Variants in GMDS observed in about 807,000 individuals in gnomAD.
The protein encoded by GMDS is GDP-mannose 4,6-dehydratase, also known as GDP-mannose 4,6 dehydratase.
A neutral mutation model predicts 49.9 loss-of-function variants in GMDS; 20 were observed. The ratio of observed to expected loss-of-function variants is 0.40; its 90% CI spans 0.28 to 0.58. GMDS has a LOEUF of 0.58. Ranked by LOEUF, GMDS falls within the 20% of genes least tolerant of loss-of-function variation. The pLI is 0.42. For synonymous variants in GMDS, 177 were observed against 178.6 expected (o/e 0.99, Z 0.07); for missense variants, 362 against 481.4 (o/e 0.75, Z 2.32).
intron 1 of GMDS, among the ~76,000 whole-genome samples, chr6:2,153,040 G>A (rs1776916703): frequency 6.6e-6 from 1 of 151,994 alleles, no homozygotes; most frequent in Non-Finnish European, 1.5e-5. Flanking sequence ...GCCTGGGCAA[G>A]AAAGCAAGAC....
intron 4 of GMDS, among the ~76,000 whole-genome samples, chr6:2,071,295 C>A (rs1364530078): frequency 6.6e-6 from 1 of 152,126 alleles, no homozygotes; most frequent in Non-Finnish European, 1.5e-5. Flanking sequence ...ATTTTTCTTT[C>A]TACATACCTT....
intron 7 of GMDS, among the ~76,000 whole-genome samples, chr6:1,906,982 C>T (rs538506129): frequency 1.3e-5 from 2 of 152,288 alleles, no homozygotes; most frequent in South Asian, 2.1e-4. Flanking sequence ...GGCACATGTT[C>T]CTCTCCCAGA....
intron 4 of GMDS, among the ~76,000 whole-genome samples, chr6:2,099,727 A>C (rs1773816059): frequency 6.6e-6 from 1 of 152,090 alleles, no homozygotes; most frequent in Admixed American, 6.5e-5. Flanking sequence ...CAGAATTTCC[A>C]CTATTCTGCA....
At chr6:1,844,737 G>C (rs1192703583) in intron 7 of GMDS, among the ~76,000 whole-genome samples, 1 of 152,156 alleles carries the variant, frequency 6.6e-6, no homozygotes, top group Non-Finnish European at 1.5e-5. Flanking sequence ...CACCTATCTA[G>C]CAACTTTCAG....
chr6:1,986,227 G>C lies in GMDS; in HGVS notation c.346-25261C>G, dbSNP rs188293480. ...TTCCCAGGGGAGTTTTCTAAAGTCA[G>C]GTGAGATGTTACCTGCTTTCCCTAC... On this transcript the variant is annotated intron_variant, in intron 4 of 10. Transcript: ENST00000380815. 1.2e-3 allele frequency among the ~76,000 whole-genome samples: 182 copies of C among 152,234 alleles called. 1 individual carries two copies. Among genetic ancestry groups the C allele is most frequent in the Middle Eastern group, 3.4e-3 (1 of 292 alleles).
At chr6:2,098,442 CA>C (rs2127483408) in intron 4 of GMDS, among the ~76,000 whole-genome samples, 1 of 152,264 alleles carries the variant, frequency 6.6e-6, no homozygotes, top group South Asian at 2.1e-4. Context: ...TTTTAGCTAT[CA>C]TAGATTAACA....
At chr6:1,897,977 C>T (rs13211675) in intron 7 of GMDS, among the ~76,000 whole-genome samples, 2,120 of 22,346 alleles carry the variant, frequency 0.095, 144 homozygotes, top group African/African-American at 0.16. Flanking sequence ...TGGACACCTA[C>T]CCTGGCCTCC....
intron 7 of GMDS, among the ~76,000 whole-genome samples, chr6:1,894,597 C>T (rs1760055944): frequency 3.3e-5 from 5 of 152,158 alleles, no homozygotes; most frequent in Admixed American, 3.3e-4. Context: ...TGTCTTATTA[C>T]ATAGAGAGTG....
At chr6:1,727,634 A>G (rs1766643455) in intron 8 of GMDS, among the ~76,000 whole-genome samples, 1 of 152,202 alleles carries the variant, frequency 6.6e-6, no homozygotes, top group Non-Finnish European at 1.5e-5. Flanking sequence ...ATGAACATTA[A>G]ATGTTGATCC....
intron 4 of GMDS, among the ~76,000 whole-genome samples, chr6:2,064,346 A>C (rs1485249338): frequency 6.6e-6 from 1 of 152,210 alleles, no homozygotes; most frequent in African/African-American, 2.4e-5. Context: ...AGAATAAGAA[A>C]TAAGGCCAAT....
Position 2,172,638 on chromosome 6 carries a change from G to A in GMDS, c.103-47907C>T, listed in dbSNP as rs538502182. Reference sequence around the variant, plus strand: ...ACCCGGGAGGCGGAGGTTGCAGTGAGCCGAGATCGCGCCACTGCACTCCAG... The same window carrying A: ...ACCCGGGAGGCGGAGGTTGCAGTGAACCGAGATCGCGCCACTGCACTCCAG... On this transcript the variant is annotated intron_variant, in intron 1 of 10. Transcript: ENST00000380815. 8.5e-5 allele frequency among the ~76,000 whole-genome samples: 13 copies of A among 152,200 alleles called. No individual in the cohort carries two copies. The East Asian group carries it at 2.5e-3, about 29-fold the overall frequency.
At chr6:1,780,384 C>T (rs539437167) in intron 7 of GMDS, among the ~76,000 whole-genome samples, 1 of 152,296 alleles carries the variant, frequency 6.6e-6, no homozygotes, top group East Asian at 1.9e-4. Flanking sequence ...AGAATGTATT[C>T]AATAAATGGC....
In GMDS at chr6:1,651,150, G is replaced by A. The variant is rs368194477; in HGVS notation, c.988-26610C>T. 3.9e-5 allele frequency among the ~76,000 whole-genome samples: 6 copies of A among 152,204 alleles called. No individual in the cohort carries two copies. The East Asian group carries it at 5.8e-4, about 15-fold the overall frequency. On this transcript the variant is annotated intron_variant, in intron 9 of 10. Transcript: ENST00000380815. ...TGGATGACGATGGCCATGCTGGGCC[G>A]CAGCTCCACCAGGAGTGTGGCATTG... is the stretch of plus-strand genomic sequence containing the variant.
chr6:1,769,327 A>T (rs1398864088), intron 7 of GMDS, among the ~76,000 whole-genome samples: 1 of 152,260 alleles, frequency 6.6e-6, no homozygotes, highest in African/African-American at 2.4e-5. Context: ...CTGGGGTAAC[A>T]AATTCTCTCA....
At chr6:1,795,493 C>T (rs1334992174) in intron 7 of GMDS, among the ~76,000 whole-genome samples, 1 of 152,098 alleles carries the variant, frequency 6.6e-6, no homozygotes, top group Non-Finnish European at 1.5e-5. Context: ...TCTCTTAAAT[C>T]ATTTATTAGG....
intron 1 of GMDS, among the ~76,000 whole-genome samples, chr6:2,159,812 C>T (rs987635014): frequency 5.9e-5 from 9 of 152,000 alleles, no homozygotes; most frequent in African/African-American, 1.9e-4. Flanking sequence ...CCACAGCACC[C>T]GGCCAATTTT....
At chr6:1,737,808 TAC>T (rs1168404321) in intron 8 of GMDS, among the ~76,000 whole-genome samples, 44 of 91,046 alleles carry the variant, frequency 4.8e-4, no homozygotes, top group South Asian at 1.2e-3. Flanking sequence ...TACACACACA[TAC>T]ACACACACCA....
At position 2,078,719 on chromosome 6, in the gene GMDS, G is replaced by A. The variant is rs576055323; in HGVS notation, c.345+37052C>T. Among the ~76,000 whole-genome samples the A allele has an allele frequency of 1.1e-4, 16 of 152,146 alleles. No individual in the cohort carries two copies. In the South Asian group the frequency reaches 3.3e-3, roughly 32 times the overall value. ...AGAATATTCCATGTGCTGATGAGAA[G>A]ACTTTATATTCTGTAGTTTTTGGAT... On this transcript the variant is annotated intron_variant, in intron 4 of 10. Transcript: ENST00000380815.
chr6:2,168,702 T>C (rs1295770946), intron 1 of GMDS, among the ~76,000 whole-genome samples: 3 of 152,234 alleles, frequency 2.0e-5, no homozygotes, highest in Non-Finnish European at 4.4e-5. Flanking sequence ...AACTGCTTCT[T>C]TTAAAAGAAA....
Sources: allele counts gnomAD v4.1 joint callset (sites outside exome capture counted in the v4.1 genomes callset), GRCh38; gene constraint gnomAD v4.1.1; transcripts MANE v1.5; gene names NCBI Gene and HGNC (gene_info 2026-07-23, HGNC 2026-07-21).